PRKG1: variants seen among roughly 807,000 people sequenced by gnomAD.
PRKG1 encodes the protein protein kinase cGMP-dependent 1.
A neutral mutation model predicts 88.1 loss-of-function variants in PRKG1; 35 were observed. The observed-to-expected ratio is 0.40, with a 90% confidence interval of 0.30 to 0.53. PRKG1 has a LOEUF of 0.53. PRKG1 is among the 20% of genes least tolerant of loss of function. The pLI is 0.59. For synonymous variants in PRKG1, 303 were observed against 292.5 expected (o/e 1.04, Z -0.37); for missense variants, 540 against 839.8 (o/e 0.64, Z 4.41).
chr10:51,555,915 T>C (rs1274607711), intron 3 of PRKG1, among the ~76,000 whole-genome samples: 3 of 151,856 alleles, frequency 2.0e-5, no homozygotes, highest in Non-Finnish European at 4.4e-5. Context: ...GGTTTTTATA[T>C]CTTCAGGTAC....
At chr10:51,674,996 G>A (rs563421770) in intron 3 of PRKG1, among the ~76,000 whole-genome samples, 1 of 152,102 alleles carries the variant, frequency 6.6e-6, no homozygotes, top group African/African-American at 2.4e-5. Context: ...AACTTTTTTG[G>A]GTATGAAGCA....
chr10:51,969,599 A>T (rs79601609), intron 5 of PRKG1, among the ~76,000 whole-genome samples: 3,275 of 152,196 alleles, frequency 0.022, 118 homozygotes, highest in African/African-American at 0.075. Flanking sequence ...AATAGCAAAA[A>T]GTCTCAAAGT....
upstream of PRKG1, among the ~76,000 whole-genome samples, chr10:51,072,161 C>G (rs1296829476): frequency 6.6e-6 from 1 of 152,116 alleles, no homozygotes; most frequent in Non-Finnish European, 1.5e-5. Context: ...CGCCACTGCA[C>G]TTCAGCCTGG....
rs117146097 is a variant in PRKG1 at position 51,725,639 on chromosome 10, T to C, written c.593-78946T>C. Among the ~76,000 whole-genome samples the C allele has an allele frequency of 1.5e-3, 234 of 151,314 alleles. 6 individuals are homozygous for C. In the East Asian group the frequency reaches 0.037, roughly 24 times the overall value. On this transcript the variant is annotated intron_variant, in intron 3 of 17. Transcript: ENST00000373980. ...TTCTTTTTTCTTTTCTTTTTTTTTT[T>C]TGTGGGGGTCGGGGACAGGGTTTCA...
At chr10:51,222,122 G>GCCCCCCCCCCCCCCCCCCCCCCC (rs747668688) in intron 2 of PRKG1, among the ~76,000 whole-genome samples, 4 of 114,414 alleles carry the variant, frequency 3.5e-5, no homozygotes, top group Non-Finnish European at 6.6e-5. Flanking sequence ...CGTGATCCGC[G>GCCCCCCCCCCCCCCCCCCCCCCC]CCCCCCCCCG....
chr10:51,683,730 C>T (rs1411106772), intron 3 of PRKG1, among the ~76,000 whole-genome samples: 1 of 152,126 alleles, frequency 6.6e-6, no homozygotes, highest in Non-Finnish European at 1.5e-5. Flanking sequence ...TTAATTCAGT[C>T]CCCAACCCTC....
chr10:51,546,748 TC>T lies in PRKG1; in HGVS notation c.592+78914del, dbSNP rs559454757. Among the ~76,000 whole-genome samples the T allele has an allele frequency of 2.7e-3, 408 of 152,192 alleles. 3 individuals carry two copies. The highest frequency in any genetic ancestry group is 9.6e-3 in the African/African-American group (398 of 41,560). On this transcript the variant is annotated intron_variant, in intron 3 of 17. Transcript: ENST00000373980. ...TTGCACAGAAATCTCATCCTACTTA[TC>T]CACAGTTTTATCTGTGACTCTCCAA...
chr10:51,277,483 T>A (rs1016336962), intron 2 of PRKG1, among the ~76,000 whole-genome samples: 13 of 152,156 alleles, frequency 8.5e-5, no homozygotes, highest in African/African-American at 2.7e-4. Context: ...AAGTAGTTTT[T>A]TCCAATTCTG....
At chr10:52,053,197 G>C (rs1846031672) in intron 5 of PRKG1, among the ~76,000 whole-genome samples, 1 of 149,714 alleles carries the variant, frequency 6.7e-6, no homozygotes, top group South Asian at 2.2e-4. Context: ...ATATCATCTG[G>C]TGGTTGAAAC....
intron 5 of PRKG1, among the ~76,000 whole-genome samples, chr10:52,024,356 T>G (rs1157426439): frequency 6.6e-6 from 1 of 152,038 alleles, no homozygotes; most frequent in Non-Finnish European, 1.5e-5. Context: ...ATACTTTAAG[T>G]TCTAGGGTAC....
intron 10 of PRKG1, among the ~76,000 whole-genome samples, chr10:52,254,726 A>G (rs765769489): frequency 2.8e-4 from 42 of 152,198 alleles, no homozygotes; most frequent in Non-Finnish European, 5.3e-4. Context: ...AGATAAATGT[A>G]GATGCAGAAG....
intron 5 of PRKG1, among the ~76,000 whole-genome samples, chr10:52,050,418 T>C (rs1178136668): frequency 6.6e-6 from 1 of 152,154 alleles, no homozygotes. Context: ...TAATTTGAAA[T>C]ATGAAAATGG....
chr10:51,844,666 C>T (rs1459600793), intron 4 of PRKG1, among the ~76,000 whole-genome samples: 2 of 152,100 alleles, frequency 1.3e-5, no homozygotes, highest in Non-Finnish European at 2.9e-5. Context: ...GGTTTACTAA[C>T]AGCAATAATG....
chr10:51,952,917 G>A (rs937545523), intron 5 of PRKG1, among the ~76,000 whole-genome samples: 2 of 152,196 alleles, frequency 1.3e-5, no homozygotes, highest in African/African-American at 4.8e-5. Flanking sequence ...GCCTGGGACA[G>A]TGTGATTAAT....
intron 3 of PRKG1, chr10:51,698,933 T>A (rs765848711): frequency 6.2e-6 from 10 of 1,613,148 alleles, no homozygotes; most frequent in African/African-American, 2.7e-5. Flanking sequence ...AGACACAGAC[T>A]GAGATTTGCC....
intron 4 of PRKG1, among the ~76,000 whole-genome samples, chr10:51,822,085 GTATATATATACACACA>G (rs1290711477): frequency 1.1e-3 from 174 of 151,486 alleles, no homozygotes; most frequent in African/African-American, 3.7e-3. Flanking sequence ...TAAAGAATAT[GTATATATATACACACA>G]TATATATATA....
chr10:51,904,127 T>C (rs1479419256), intron 4 of PRKG1, among the ~76,000 whole-genome samples: 2 of 152,146 alleles, frequency 1.3e-5, no homozygotes, highest in Admixed American at 6.5e-5. Context: ...TACATTCTAG[T>C]GCATTCTGTA....
chr10:51,798,782 T>C (rs1340780188), intron 3 of PRKG1, among the ~76,000 whole-genome samples: 1 of 152,126 alleles, frequency 6.6e-6, no homozygotes. Context: ...CTAATTTTGC[T>C]CATTGCAAAT....
At chr10:51,059,703 G>A (rs1444859548) in intron 1 of PRKG1, among the ~76,000 whole-genome samples, 1 of 152,052 alleles carries the variant, frequency 6.6e-6, no homozygotes, top group African/African-American at 2.4e-5. Context: ...TTAGTCTTCT[G>A]ACATTTGTTG....
Sources: allele counts gnomAD v4.1 joint callset (sites outside exome capture counted in the v4.1 genomes callset), GRCh38; gene constraint gnomAD v4.1.1; transcripts MANE v1.5; gene names NCBI Gene and HGNC (gene_info 2026-07-23, HGNC 2026-07-21).